Variants in MSI2 observed in about 807,000 individuals in gnomAD.
The protein encoded by MSI2 is RNA-binding protein Musashi homolog 2.
In MSI2, 17 loss-of-function variants were observed where a neutral mutation model predicts 45.6. The observed-to-expected ratio is 0.37, with a 90% CI of 0.26 to 0.56. The LOEUF (loss-of-function observed/expected upper bound fraction) is 0.56. Ranked by LOEUF, MSI2 falls within the 20% of genes least tolerant of loss-of-function variation. The probability of loss-of-function intolerance (pLI) is 0.77; values close to 1 mark genes in which losing one functional copy is unlikely to be tolerated. For synonymous variants in MSI2, 156 were observed against 158.2 expected (o/e 0.99, Z 0.11); for missense variants, 293 against 444.2 (o/e 0.66, Z 3.06).
chr17:57,685,538 C>G (rs1427977793), downstream of MSI2: 1 of 152,218 alleles, frequency 6.6e-6, no homozygotes. Flanking sequence ...AATGGGTCTT[C>G]CGGTGAAAAC....
intron 6 of MSI2, among the ~76,000 whole-genome samples, chr17:57,410,011 A>AAAAAAAAAAAAAAAAAAAC: frequency 7.0e-6 from 1 of 142,650 alleles, no homozygotes; most frequent in African/African-American, 2.9e-5. Context: ...CTGTCTCCAA[A>AAAAAAAAAAAAAAAAAAAC]AAAAAAAAAA....
intron 6 of MSI2, among the ~76,000 whole-genome samples, chr17:57,445,056 A>C (rs1028762623): frequency 6.6e-6 from 1 of 152,188 alleles, no homozygotes; most frequent in Non-Finnish European, 1.5e-5. Flanking sequence ...GGCGTTTTTC[A>C]TAGAAATTCC....
At chr17:57,385,220 G>T (rs571319219) in intron 5 of MSI2, among the ~76,000 whole-genome samples, 1 of 152,204 alleles carries the variant, frequency 6.6e-6, no homozygotes, top group African/African-American at 2.4e-5. Context: ...GCTTAAAATG[G>T]TTACCCTTTG....
intron 5 of MSI2, among the ~76,000 whole-genome samples, chr17:57,395,937 G>T (rs1020888371): frequency 2.0e-5 from 3 of 152,154 alleles, no homozygotes; most frequent in African/African-American, 7.2e-5. Context: ...CCGCACAATG[G>T]GGAGGATGAA....
rs1906750744 is a variant in MSI2, at chr17:57,256,704, C to T, written c.-39C>T. 2 of 1,014,504 alleles carry T rather than the reference C, an allele frequency of 2.0e-6. No homozygotes were observed. The highest frequency in any genetic ancestry group is 1.3e-6 in the Non-Finnish European group (1 of 778,500). The allele number at this position is 1,014,504 out of a possible 1,614,324, so 62.8% of individuals were successfully genotyped here. A position where few individuals can be genotyped will look rare whatever the true frequency, so the allele number is the denominator to read the frequency against. On this transcript the variant is annotated 5_prime_UTR_variant, in exon 1 of 14. Transcript: ENST00000284073. ...CCGCTCCGCTCCGATCGCTGTGGGG[C>T]TTGGTTTTTTGGGGGTGGGGGGGCG...
intron 6 of MSI2, among the ~76,000 whole-genome samples, chr17:57,478,335 T>G (rs766383162): frequency 6.6e-6 from 1 of 152,246 alleles, no homozygotes; most frequent in Non-Finnish European, 1.5e-5. Context: ...CTGGCTCTGA[T>G]GTACATCTTT....
chr17:57,651,293 AC>A (rs1911125911), intron 10 of MSI2, among the ~76,000 whole-genome samples: 3 of 152,046 alleles, frequency 2.0e-5, no homozygotes, highest in African/African-American at 7.2e-5. Flanking sequence ...AAATCCAGGG[AC>A]CCGTAGGAGA....
intron 7 of MSI2, among the ~76,000 whole-genome samples, chr17:57,554,713 T>C (rs1011798486): frequency 1.3e-5 from 2 of 152,236 alleles, no homozygotes; most frequent in Non-Finnish European, 2.9e-5. Context: ...GGTGTAGCTG[T>C]TATTATGCCT....
At chr17:57,582,768 A>C (rs2088238617) in intron 7 of MSI2, among the ~76,000 whole-genome samples, 2 of 152,254 alleles carry the variant, frequency 1.3e-5, no homozygotes, top group East Asian at 3.9e-4. Context: ...CAAGTGTTGC[A>C]TTTTTATATT....
downstream of MSI2, among the ~76,000 whole-genome samples, chr17:57,686,650 A>G (rs1308386147): frequency 6.6e-6 from 1 of 152,196 alleles, no homozygotes; most frequent in Non-Finnish European, 1.5e-5. Flanking sequence ...GGTTAAAAAC[A>G]CTCCACAGCA....
rs546598329 is a variant in MSI2, at chr17:57,282,190, G to A, written c.312+19998G>A. On this transcript the variant is annotated intron_variant, in intron 5 of 13. Transcript: ENST00000284073. ...TTCAAACAAGTGAGATGTGTGTTGT[G>A]GTCTTTTATTCAGAGTGGGGAGCTC... 2.6e-5 allele frequency among the ~76,000 whole-genome samples: 4 copies of A among 152,120 alleles called. No homozygotes were observed. The South Asian group carries it at 8.3e-4, about 32-fold the overall frequency.
rs1217689984 is a variant in MSI2, at chr17:57,558,241, T to C, written c.454+28517T>C. Among the ~76,000 whole-genome samples the C allele has an allele frequency of 3.3e-5, 5 of 152,198 alleles. No homozygotes were observed. The East Asian group carries it at 7.7e-4, about 23-fold the overall frequency. On this transcript the variant is annotated intron_variant, in intron 7 of 13. Coordinates refer to ENST00000284073, the MANE Select transcript of MSI2 (RefSeq NM_138962.4). ...TGCACCTATTCAGCACTGCCATTTC[T>C]AGTCACCACGCAGCCATCCGAGGGA... is the stretch of plus-strand genomic sequence containing the variant.
At chr17:57,411,721 T>C (rs1043277386) in intron 6 of MSI2, among the ~76,000 whole-genome samples, 1 of 152,094 alleles carries the variant, frequency 6.6e-6, no homozygotes, top group Non-Finnish European at 1.5e-5. Flanking sequence ...AGAGTTACTA[T>C]GGTATGGCCA....
At chr17:57,445,508 T>G (rs535851646) in intron 6 of MSI2, among the ~76,000 whole-genome samples, 29 of 151,016 alleles carry the variant, frequency 1.9e-4, no homozygotes, top group African/African-American at 2.9e-4. Flanking sequence ...GTGTTGTTTG[T>G]TTTTTTGGTG....
chr17:57,541,035 AC>A (rs2087034179), intron 7 of MSI2, among the ~76,000 whole-genome samples: 1 of 152,118 alleles, frequency 6.6e-6, no homozygotes, highest in Non-Finnish European at 1.5e-5. Flanking sequence ...TAGAGAAAAG[AC>A]CTTTCATGCA....
At chr17:57,415,813 C>T (rs1047187207) in intron 6 of MSI2, among the ~76,000 whole-genome samples, 3 of 152,134 alleles carry the variant, frequency 2.0e-5, no homozygotes, top group Admixed American at 2.0e-4. Flanking sequence ...CCTCTGCCCC[C>T]ACCCCTCCAC....
At chr17:57,460,577 T>C (rs1466420717) in intron 6 of MSI2, among the ~76,000 whole-genome samples, 3 of 152,030 alleles carry the variant, frequency 2.0e-5, no homozygotes, top group African/African-American at 4.8e-5. Context: ...TGGGTTCACC[T>C]GGGGAGAGTA....
intron 6 of MSI2, among the ~76,000 whole-genome samples, chr17:57,479,482 T>A (rs1289545721): frequency 6.6e-6 from 1 of 152,206 alleles, no homozygotes; most frequent in Non-Finnish European, 1.5e-5. Flanking sequence ...CTGCTGTGGG[T>A]AAAACATCCC....
At chr17:57,472,188 G>A (rs1273847791) in intron 6 of MSI2, among the ~76,000 whole-genome samples, 1 of 152,224 alleles carries the variant, frequency 6.6e-6, no homozygotes, top group Non-Finnish European at 1.5e-5. Flanking sequence ...GACAAATTAG[G>A]AGGGGATTAT....
Sources: gnomAD v4.1 joint callset for allele counts (sites outside exome capture counted in the v4.1 genomes callset) on GRCh38, gnomAD v4.1.1 for gene constraint, MANE v1.5 for transcripts, NCBI Gene and HGNC (gene_info 2026-07-23, HGNC 2026-07-21) for gene names.